Variants in IFT122 observed in about 807,000 individuals in gnomAD.
IFT122 encodes intraflagellar transport protein 122 homolog.
Under a neutral mutation model 161.6 loss-of-function variants are expected in IFT122, and 118 were observed. That is an observed-to-expected ratio of 0.73 (90% CI 0.63 to 0.85). The LOEUF is 0.85. Ranked by LOEUF, IFT122 falls within the 40% of genes least tolerant of loss-of-function variation. The pLI is 0.00. For synonymous variants in IFT122, 550 were observed against 602.4 expected (o/e 0.91, Z 1.27); for missense variants, 1,381 against 1,579.6 (o/e 0.87, Z 2.13).
Position 129,519,711 on chromosome 3 carries a change from CATGTGCCCCTCCTGCTTCCAGGTAGG to C in IFT122, c.3616_3636+5del, listed in dbSNP as rs2084508245. On this transcript the variant is annotated splice_donor_variant and splice_donor_5th_base_variant and coding_sequence_variant and intron_variant, in exon 29 of 30. Coordinates refer to ENST00000348417, the MANE Select transcript of IFT122 (RefSeq NM_052989.3). LOFTEE classifies it high-confidence loss of function. ...CACTGCTGCCTGACGCCTCCATTAC[CATGTGCCCCTCCTGCTTCCAGGTAGG>C]TGGCCACCCTGGTAGCTCACATGTG... The C allele has an allele frequency of 6.2e-7, 1 of 1,613,762 alleles. No individual in the cohort carries two copies.
chr3:129,506,221 G>A (rs1038976652), intron 21 of IFT122, among the ~76,000 whole-genome samples, 188 bp from the exon 22 acceptor site: 1 of 152,202 alleles, frequency 6.6e-6, no homozygotes, highest in Non-Finnish European at 1.5e-5. Flanking sequence ...TTATCTCACT[G>A]TACTTTTTCC....
chr3:129,506,485 C>T lies in IFT122; in HGVS notation c.2727C>T (p.Ser909=), dbSNP rs777308171. The T allele has an allele frequency of 6.2e-7, 1 of 1,614,118 alleles. No homozygotes were observed. The highest frequency in any genetic ancestry group is 1.1e-5 in the South Asian group (1 of 91,088). Residue 909 remains serine, a synonymous_variant, in exon 22 of 30, where the codon AGC becomes AGT. Coordinates refer to ENST00000348417, the MANE Select transcript of IFT122 (RefSeq NM_052989.3). ...TCACAAACAATGCCGTGGCGGAGAG[C>T]AGGTTTAATGATGCTGCCTATTATT... The part of the protein sequence containing the change: ...EQLTNNAVAE[S]RFNDAAYYYW...
intron 4 of IFT122, among the ~76,000 whole-genome samples, chr3:129,459,886 T>G (rs2076040040): frequency 6.6e-6 from 1 of 151,896 alleles, no homozygotes; most frequent in African/African-American, 2.4e-5. Flanking sequence ...CCCAAATAGC[T>G]GGAACTGCAG....
intron 8 of IFT122, among the ~76,000 whole-genome samples, chr3:129,468,312 G>A (rs2077010353): frequency 6.6e-6 from 1 of 152,074 alleles, no homozygotes; most frequent in Admixed American, 6.5e-5. Flanking sequence ...AACATTAGGT[G>A]GATTAAGACC....
At chr3:129,496,117 G>T (rs915487390) in intron 18 of IFT122, among the ~76,000 whole-genome samples, 1 of 152,144 alleles carries the variant, frequency 6.6e-6, no homozygotes, top group Non-Finnish European at 1.5e-5. Context: ...CCATGTTAGC[G>T]CAGCATGCCT....
At position 129,476,798 on chromosome 3, in the gene IFT122, A is replaced by G; in HGVS notation, c.1144A>G (p.Lys382Glu). The change falls in exon 11 of 30, where the codon AAA becomes GAA. Residue 382 changes from lysine (K) to glutamate (E), a missense_variant. Transcript: ENST00000348417. ...TGTGCAGCACCTGATCACTGAGCAG[A>G]AAGGTAAGAGGCAGGTCCAGACCTT... ...VIVQHLITEQ[K>E]VRIKCKELVK... is the part of the protein sequence containing the mutation. The G allele has an allele frequency of 1.2e-6, 2 of 1,614,190 alleles. No individual in the cohort carries two copies. The highest frequency in any genetic ancestry group is 3.3e-5 in the Admixed American group (2 of 60,030).
At position 129,495,737 on chromosome 3, in the gene IFT122, G is replaced by C. The variant is rs3774770; in HGVS notation, c.2208+130G>C. The C allele has an allele frequency of 0.039, 43,678 of 1,121,768 alleles. 5,184 individuals are homozygous for C. Among genetic ancestry groups the C allele is most frequent in the East Asian group, 0.38 (15,246 of 40,480 alleles). 69.5% of individuals were successfully genotyped at this position (1,121,768 alleles called of 1,614,324 possible). A position where few individuals can be genotyped will look rare whatever the true frequency, so the allele number is the denominator to read the frequency against. ...GCAATGGTCTCAGAAAGGATGTGGG[G>C]AAACTGGTAAACAAAGGACCCATCT... On this transcript the variant is annotated intron_variant, in intron 18 of 29. Coordinates refer to ENST00000348417, the MANE Select transcript of IFT122 (RefSeq NM_052989.3).
intron 2 of IFT122, among the ~76,000 whole-genome samples, chr3:129,451,010 G>A (rs1176833600): frequency 2.0e-5 from 3 of 151,896 alleles, no homozygotes; most frequent in Non-Finnish European, 4.4e-5. Flanking sequence ...GTGAGCCACC[G>A]CGCCCGGCCA....
chr3:129,450,011 C>CA, intron 2 of IFT122, 74 bp downstream of exon 2: 1 of 779,516 alleles, frequency 1.3e-6, no homozygotes, highest in Non-Finnish European at 2.1e-6. Flanking sequence ...AAATTTGACC[C>CA]TTTTTTTTTT....
At position 129,476,789 on chromosome 3, in the gene IFT122, AC is replaced by A. The variant is rs775527601; in HGVS notation, c.1136del (p.Thr379MetfsTer48). On this transcript the variant is annotated frameshift_variant, in exon 11 of 30. Transcript: ENST00000348417. LOFTEE classifies it high-confidence loss of function. Reference protein sequence around the residue: ...MTDVIVQHLITEQKVRIKCKE... With the variant: ...MTDVIVQHLIXEQKVRIKCKE... ...TGACGTCATTGTGCAGCACCTGATC[AC>A]TGAGCAGAAAGGTAAGAGGCAGGTC... 1 of 1,614,176 alleles carries A rather than the reference AC, an allele frequency of 6.2e-7. No homozygotes were observed. The highest frequency in any genetic ancestry group is 2.2e-5 in the East Asian group (1 of 44,878).
Position 129,476,945 on chromosome 3 carries a change from CTTTTTT to C in IFT122, c.1147+155_1147+160del, listed in dbSNP as rs952499116. ...AGCCACTGGGTCTGTGTCTTGTTTT[CTTTTTT>C]TTTTTTTTTTGGTGGGGGAAGTAGG... is the stretch of plus-strand genomic sequence containing the variant. On this transcript the variant is annotated intron_variant, in intron 11 of 29. Coordinates refer to ENST00000348417, the MANE Select transcript of IFT122 (RefSeq NM_052989.3). 4.7e-3 allele frequency: 3,022 copies of C among 643,290 alleles called. 53 individuals are homozygous for C. The African/African-American group carries it at 0.048, about 10-fold the overall frequency. 39.8% of individuals were successfully genotyped at this position (643,290 alleles called of 1,614,324 possible).
At chr3:129,448,172 C>T (rs1577186590) in intron 1 of IFT122, among the ~76,000 whole-genome samples, 1 of 152,102 alleles carries the variant, frequency 6.6e-6, no homozygotes, top group African/African-American at 2.4e-5. Flanking sequence ...GCGTCATTGT[C>T]TGGGGTAAAT....
intron 23 of IFT122, among the ~76,000 whole-genome samples, chr3:129,511,034 A>G (rs1231189380): frequency 6.6e-6 from 1 of 152,184 alleles, no homozygotes. Context: ...TTTGTGGCAA[A>G]GGTCACAGCC....
At position 129,518,979 on chromosome 3, in the gene IFT122, G is replaced by T. The variant is rs991394659; in HGVS notation, c.3392-128G>T. ...TGATTCCTTGGCCTGAGCCCCCTCT[G>T]TTCCTCCACCTGGAAAACTCTTCCA... On this transcript the variant is annotated intron_variant, in intron 27 of 29. Transcript: ENST00000348417. 6.1e-6 allele frequency: 5 copies of T among 822,810 alleles called. No homozygotes were observed. In the African/African-American group the frequency reaches 6.7e-5, roughly 11 times the overall value. 51.0% of individuals were successfully genotyped at this position (822,810 alleles called of 1,614,324 possible).
At chr3:129,450,440 C>T (rs1437228814) in intron 2 of IFT122, among the ~76,000 whole-genome samples, 2 of 152,176 alleles carry the variant, frequency 1.3e-5, no homozygotes, top group Non-Finnish European at 2.9e-5. Flanking sequence ...TCAGAGAACC[C>T]CTTATGTTTG....
chr3:129,443,967 C>T (rs1159125044), intron 1 of IFT122, among the ~76,000 whole-genome samples: 1 of 152,118 alleles, frequency 6.6e-6, no homozygotes, highest in Non-Finnish European at 1.5e-5. Flanking sequence ...CTTTGATGAG[C>T]TCATATGTGT....
chr3:129,497,926 G>A (rs1477697338), intron 18 of IFT122, among the ~76,000 whole-genome samples: 3 of 152,132 alleles, frequency 2.0e-5, no homozygotes, highest in African/African-American at 7.2e-5. Context: ...TATGCTTTCT[G>A]GATAAGTGAC....
chr3:129,473,340 C>T (rs765092253), intron 9 of IFT122, among the ~76,000 whole-genome samples: 6 of 152,170 alleles, frequency 3.9e-5, no homozygotes, highest in Non-Finnish European at 5.9e-5. Flanking sequence ...ACATTTGGGT[C>T]GTCATGGTTC....
intron 26 of IFT122, among the ~76,000 whole-genome samples, chr3:129,517,268 G>GCACACACACACACACACACA (rs777108020): frequency 7.7e-5 from 9 of 117,000 alleles, no homozygotes; most frequent in African/African-American, 2.9e-4. Flanking sequence ...CATTGCTCCT[G>GCACACACACACACACACACA]CACACACACA....
Sources: allele counts gnomAD v4.1 joint callset (sites outside exome capture counted in the v4.1 genomes callset), GRCh38; gene constraint gnomAD v4.1.1; transcripts MANE v1.5; gene names NCBI Gene and HGNC (gene_info 2026-07-23, HGNC 2026-07-21).